EPRS1: variants seen among roughly 807,000 people sequenced by gnomAD.
EPRS1 encodes bifunctional glutamate/proline--tRNA ligase.
In EPRS1, 107 loss-of-function variants were observed where a neutral mutation model predicts 188.3. The ratio of observed to expected loss-of-function variants is 0.57; its 90% CI spans 0.49 to 0.67. The LOEUF is 0.67. EPRS1 is among the 30% of genes least tolerant of loss of function. The probability of loss-of-function intolerance (pLI) is 0.00; values close to 1 mark genes in which losing one functional copy is unlikely to be tolerated. For missense variants in EPRS1, 1,577 were observed against 1,802.2 expected, an observed-to-expected ratio of 0.88 and a Z score of 2.26; for synonymous variants, 596 against 593.1, an observed-to-expected ratio of 1.00 and a Z score of -0.07.
In EPRS1 at chr1:220,005,290, C is replaced by T; in HGVS notation, c.2021G>A (p.Arg674Lys). 6.3e-7 allele frequency: 1 copy of T among 1,595,968 alleles called. No individual in the cohort carries two copies. Among genetic ancestry groups the T allele is most frequent in the Non-Finnish European group, 8.5e-7 (1 of 1,169,864 alleles). Residue 674 changes from arginine to lysine, a missense_variant, in exon 16 of 32, where the codon AGA becomes AAA. Physicochemically the swap from Arg to Lys is conservative, Grantham distance 26. Coordinates refer to ENST00000366923, the MANE Select transcript of EPRS1 (RefSeq NM_004446.3). Reference protein sequence around the residue: ...LKKGDIIQLQRRGFFICDQPY... With the variant: ...LKKGDIIQLQKRGFFICDQPY... ...TTGATCACATATGAAGAATCCTCTT[C>T]TCTGGAGTTGTATAATATCTCCTTT...
intron 12 of EPRS1, among the ~76,000 whole-genome samples, chr1:220,013,518 GA>G (rs898263108): frequency 2.0e-5 from 3 of 146,988 alleles, no homozygotes; most frequent in Non-Finnish European, 3.0e-5. Flanking sequence ...AACCTGCTTT[GA>G]AAAAAAAAAT....
Position 220,024,417 on chromosome 1 carries a change from C to T in EPRS1, c.790G>A (p.Asp264Asn), listed in dbSNP as rs1661933779. The T allele has an allele frequency of 5.6e-6, 9 of 1,610,248 alleles. No homozygotes were observed. Among genetic ancestry groups the T allele is most frequent in the Middle Eastern group, 1.6e-4 (1 of 6,070 alleles). The change falls in exon 8 of 32, where the codon GAT becomes AAT. Residue 264 changes from aspartate (D) to asparagine (N), a missense_variant. Coordinates refer to ENST00000366923, the MANE Select transcript of EPRS1 (RefSeq NM_004446.3). ...EDVAMLHIKP[D>N]QFTYTSDHFE... ...TGATCCGAAGTATAAGTAAATTGAT[C>T]TGGTTTGATATGCAACATTGCAACA...
chr1:220,020,334 C>T, intron 9 of EPRS1, 113 bp from the exon 10 acceptor site: 1 of 696,488 alleles, frequency 1.4e-6, no homozygotes, highest in Non-Finnish European at 2.3e-6. Flanking sequence ...TTAAGAGATT[C>T]TTAAAAACCA....
intron 12 of EPRS1, among the ~76,000 whole-genome samples, chr1:220,016,708 T>C (rs1173333810): frequency 2.9e-5 from 2 of 68,284 alleles, no homozygotes; most frequent in African/African-American, 1.2e-4. Flanking sequence ...CATGAGAACC[T>C]GGCTTTTTTT....
chr1:220,043,310 C>T (rs1023876298), intron 1 of EPRS1, among the ~76,000 whole-genome samples: 1 of 151,914 alleles, frequency 6.6e-6, no homozygotes, highest in Non-Finnish European at 1.5e-5. Context: ...TTTTTAAAAA[C>T]AAAATAATTT....
chr1:220,003,477 C>T (rs936212176), intron 16 of EPRS1, among the ~76,000 whole-genome samples: 3 of 152,024 alleles, frequency 2.0e-5, no homozygotes. Flanking sequence ...AACAGCATTG[C>T]CAAGGTTACA....
intron 18 of EPRS1, among the ~76,000 whole-genome samples, chr1:219,990,858 A>T (rs1468652424): frequency 6.6e-6 from 1 of 152,174 alleles, no homozygotes; most frequent in Non-Finnish European, 1.5e-5. Flanking sequence ...GTACAATATC[A>T]TACAACAGCA....
intron 16 of EPRS1, among the ~76,000 whole-genome samples, chr1:220,002,046 T>A (rs1199785444): frequency 3.4e-5 from 5 of 147,738 alleles, no homozygotes; most frequent in Admixed American, 2.7e-4. Flanking sequence ...AAAAAAAAAA[T>A]TGGTCAGCCG....
At chr1:220,012,571 G>A (rs1244567742) in intron 12 of EPRS1, among the ~76,000 whole-genome samples, 3 of 152,154 alleles carry the variant, frequency 2.0e-5, no homozygotes, top group African/African-American at 4.8e-5. Context: ...GTTAGGATCA[G>A]GCATATTTGG....
chr1:219,991,174 T>G (rs1270902269), intron 18 of EPRS1, among the ~76,000 whole-genome samples: 1 of 149,938 alleles, frequency 6.7e-6, no homozygotes, highest in East Asian at 1.9e-4. Context: ...AAACAGCTAT[T>G]TTTTCAGCAG....
At chr1:220,044,681 CAAAAAAAA>C (rs71560597) in intron 1 of EPRS1, among the ~76,000 whole-genome samples, 47 of 88,340 alleles carry the variant, frequency 5.3e-4, no homozygotes, top group Middle Eastern at 8.5e-3. Flanking sequence ...GCTCGGTCTC[CAAAAAAAA>C]AAAAAAAAAA....
intron 28 of EPRS1, among the ~76,000 whole-genome samples, chr1:219,974,838 G>C (rs989020922): frequency 1.3e-5 from 2 of 152,098 alleles, no homozygotes; most frequent in African/African-American, 4.8e-5. Flanking sequence ...AATACATCTT[G>C]TCCTCTAGAA....
intron 20 of EPRS1, among the ~76,000 whole-genome samples, 178 bp downstream of exon 20, chr1:219,986,964 C>T (rs1431373412): frequency 6.6e-6 from 1 of 150,608 alleles, no homozygotes; most frequent in Non-Finnish European, 1.5e-5. Context: ...ACCAAACAAA[C>T]GTGTTACCTA....
chr1:219,986,886 A>C (rs1180736249), intron 20 of EPRS1, among the ~76,000 whole-genome samples: 1 of 152,122 alleles, frequency 6.6e-6, no homozygotes, highest in Admixed American at 6.6e-5. Context: ...CTGACTGATT[A>C]CGGTGGTGGG....
At chr1:219,986,783 A>ATATGTGTG (rs1553250793) in intron 20 of EPRS1, among the ~76,000 whole-genome samples, 3 of 150,156 alleles carry the variant, frequency 2.0e-5, no homozygotes, top group South Asian at 2.1e-4. Flanking sequence ...GAAAATATGT[A>ATATGTGTG]TGTGTGTGTG....
At chr1:220,017,959 C>T (rs1558056722) in intron 12 of EPRS1, among the ~76,000 whole-genome samples, 1 of 152,220 alleles carries the variant, frequency 6.6e-6, no homozygotes, top group East Asian at 1.9e-4. Flanking sequence ...CTAAGAAAAC[C>T]AGAGGACATG....
intron 18 of EPRS1, among the ~76,000 whole-genome samples, chr1:219,992,549 G>C (rs1302355028): frequency 6.6e-6 from 1 of 152,134 alleles, no homozygotes; most frequent in Non-Finnish European, 1.5e-5. Context: ...TGTGAGTCTT[G>C]GTTGCAACTA....
chr1:219,968,985 C>T (rs768015785), intron 31 of EPRS1, 29 bp from the exon 32 acceptor site: 1 of 1,613,376 alleles, frequency 6.2e-7, no homozygotes, highest in Non-Finnish European at 8.5e-7. Flanking sequence ...AAGAATTCCA[C>T]TCATTTATGC....
intron 13 of EPRS1, among the ~76,000 whole-genome samples, chr1:220,010,593 C>A (rs534505138): frequency 6.6e-6 from 1 of 152,062 alleles, no homozygotes; most frequent in African/African-American, 2.4e-5. Context: ...AGGCAGATCA[C>A]GAGGTCAGGA....
Sources: allele counts gnomAD v4.1 joint callset (sites outside exome capture counted in the v4.1 genomes callset), GRCh38; gene constraint gnomAD v4.1.1; transcripts MANE v1.5; gene names NCBI Gene and HGNC (gene_info 2026-07-23, HGNC 2026-07-21).